The following QRICH1 variants were observed in gnomAD, a reference collection of about 807,000 sequenced individuals.
The protein encoded by QRICH1 is transcriptional regulator QRICH1.
In QRICH1, 16 loss-of-function variants were observed where a neutral mutation model predicts 87.1. The observed-to-expected ratio is 0.18, with a 90% confidence interval of 0.12 to 0.28. QRICH1 has a LOEUF of 0.28. Among genes scored for constraint, QRICH1 ranks in the 10% least tolerant of loss-of-function variants. QRICH1 has a pLI of 1.00. For missense variants in QRICH1, 647 were observed against 951.7 expected (o/e 0.68, Z 4.21); for synonymous variants, 367 against 368.4 (o/e 1.00, Z 0.05).
At chr3:49,045,821 G>C (rs550132432) in intron 5 of QRICH1, among the ~76,000 whole-genome samples, 1 of 151,814 alleles carries the variant, frequency 6.6e-6, no homozygotes, top group East Asian at 1.9e-4. Context: ...CAAACTCCTG[G>C]GGCTCAAGCG....
At position 49,030,393 on chromosome 3, in the gene QRICH1, G is replaced by C. The variant is rs2093228005; in HGVS notation, c.*59C>G. ...AAAAAAAATGGAGGCCTCTTCTTTA[G>C]TGTGAAAGTCTGTCTGGTTTTTCCT... On this transcript the variant is annotated 3_prime_UTR_variant, in exon 10 of 10. Transcript: ENST00000395443. The C allele has an allele frequency of 6.6e-7, 1 of 1,519,494 alleles. No individual in the cohort carries two copies. Among genetic ancestry groups the C allele is most frequent in the Non-Finnish European group, 9.0e-7 (1 of 1,109,338 alleles). 94.1% of individuals were successfully genotyped at this position (1,519,494 alleles called of 1,614,324 possible). A position where few individuals can be genotyped will look rare whatever the true frequency, so the allele number is the denominator to read the frequency against.
At chr3:49,052,778 T>C (rs770988884) in intron 3 of QRICH1, among the ~76,000 whole-genome samples, 23 of 152,264 alleles carry the variant, frequency 1.5e-4, no homozygotes, top group Non-Finnish European at 2.2e-4. Flanking sequence ...GCTGGGATTA[T>C]AGGTGTGAGC....
chr3:49,086,616 T>A (rs909597528), intron 1 of QRICH1, among the ~76,000 whole-genome samples: 1 of 152,098 alleles, frequency 6.6e-6, no homozygotes, highest in Non-Finnish European at 1.5e-5. Context: ...CTACATGAGT[T>A]ATTATTTTTA....
chr3:49,094,122 T>G (rs569337819), upstream of QRICH1: 38 of 398,188 alleles, frequency 9.5e-5, no homozygotes, highest in South Asian at 4.7e-3. Context: ...TCCCGCGAGA[T>G]CTGGGACTGC....
chr3:49,076,837 A>C lies in QRICH1; in HGVS notation c.181T>G (p.Cys61Gly). 1.2e-6 allele frequency: 2 copies of C among 1,613,890 alleles called. No homozygotes were observed. The change falls in exon 2 of 10, where the codon TGC (cysteine) becomes GGC (glycine). Residue 61 changes from cysteine (C) to glycine (G), a missense_variant. Cys to Gly is a radical substitution (Grantham distance 159). This residue lies in a region of QRICH1 where 56 missense variants were observed against 109.6 expected (regional missense o/e 0.51). Coordinates refer to ENST00000395443, the MANE Select transcript of QRICH1 (RefSeq NM_198880.3). The stretch of plus-strand genomic sequence containing the variant: ...ACTTCAGTGCTGTCTGTGTATATGC[A>C]GTTCCCACCCTGTTGGTACACCATG... ...TTMVYQQGGN[C>G]IYTDSTEVAG...
chr3:49,057,719 G>T lies in QRICH1; in HGVS notation c.481C>A (p.Pro161Thr), dbSNP rs779125870. The part of the protein sequence containing the change: ...IQTPSLQSPS[P>T]SQLQAAQIQV... Reference sequence around the variant, plus strand: ...ATCTGAGCTGCTTGCAGCTGCGAGGGACTGGGACTCTGCAGAGACGGGGTC... The same window carrying T: ...ATCTGAGCTGCTTGCAGCTGCGAGGTACTGGGACTCTGCAGAGACGGGGTC... Residue 161 changes from proline to threonine, a missense_variant, in exon 3 of 10, where the codon CCC (proline) becomes ACC (threonine). Transcript: ENST00000395443. This position sits in a 1 kb window ranked among gnomAD's most constrained non-coding sequence, Gnocchi z 5.4. The T allele has an allele frequency of 6.2e-7, 1 of 1,614,220 alleles. No individual in the cohort carries two copies. The highest frequency in any genetic ancestry group is 8.5e-7 in the Non-Finnish European group (1 of 1,180,040).
intron 1 of QRICH1, among the ~76,000 whole-genome samples, chr3:49,090,024 G>C (rs2042243973): frequency 6.6e-6 from 1 of 152,134 alleles, no homozygotes; most frequent in African/African-American, 2.4e-5. Context: ...TTAAAACAAA[G>C]AAAAACATGG....
chr3:49,082,943 T>C (rs1024397996), intron 1 of QRICH1, among the ~76,000 whole-genome samples: 3 of 149,662 alleles, frequency 2.0e-5, no homozygotes, highest in African/African-American at 7.4e-5. Flanking sequence ...CTCACGCCTG[T>C]AATCCTAGCA....
At chr3:49,074,965 C>T (rs753485559) in intron 2 of QRICH1, among the ~76,000 whole-genome samples, 4 of 151,820 alleles carry the variant, frequency 2.6e-5, no homozygotes, top group Non-Finnish European at 2.9e-5. Context: ...GGCAACAGAG[C>T]GAGACTCCAT....
At chr3:49,088,540 A>C (rs1186982259) in intron 1 of QRICH1, among the ~76,000 whole-genome samples, 7 of 141,122 alleles carry the variant, frequency 5.0e-5, no homozygotes, top group Admixed American at 2.9e-4. Flanking sequence ...TCAGGTGAGG[A>C]GTTCATTTCC....
Position 49,056,937 on chromosome 3 carries a change from C to T in QRICH1, c.1263G>A (p.Gln421=). 6.2e-7 allele frequency: 1 copy of T among 1,614,156 alleles called. No homozygotes were observed. ...QTVHIWDPQQ[Q]PQQQTPQEQT... ...GTTCCTGGGGAGTTTGCTGCTGCGG[C>T]TGCTGTTGGGGGTCCCATATATGGA... Residue 421 remains glutamine, a synonymous_variant, in exon 3 of 10, where the codon CAG becomes CAA. Coordinates refer to ENST00000395443, the MANE Select transcript of QRICH1 (RefSeq NM_198880.3).
intron 1 of QRICH1, among the ~76,000 whole-genome samples, chr3:49,086,111 G>A (rs2042162007): frequency 6.7e-6 from 1 of 150,256 alleles, no homozygotes; most frequent in Non-Finnish European, 1.5e-5. Flanking sequence ...ACTTCTAAAC[G>A]CTTTTAAATA....
chr3:49,057,537 T>C lies in QRICH1; in HGVS notation c.663A>G (p.Pro221=). The part of the protein sequence containing the change: ...IQIQTVGALS[P]PPSQQGSPRE... ...GGGGTGAGCCCTGCTGGGATGGTGG[T>C]GGGGAAAGGGCACCCACGGTCTGGA... The change falls in exon 3 of 10, where the codon CCA becomes CCG. Residue 221 remains proline, a synonymous_variant. Transcript: ENST00000395443. This position sits in a 1 kb window ranked among gnomAD's most constrained non-coding sequence, Gnocchi z 5.4. 1 of 1,613,138 alleles carries C rather than the reference T, an allele frequency of 6.2e-7. No homozygotes were observed. The highest frequency in any genetic ancestry group is 8.5e-7 in the Non-Finnish European group (1 of 1,179,358).
In QRICH1 at chr3:49,042,845, T is replaced by G. The variant is rs372431449; in HGVS notation, c.1786+1545A>C. ...ATCTCTGCCTCCCAAAGTGCTGGGATTACAGGTGTGAGCCACCATGCCTGG... is the reference window on the plus strand; with the variant it reads ...ATCTCTGCCTCCCAAAGTGCTGGGAGTACAGGTGTGAGCCACCATGCCTGG... On this transcript the variant is annotated intron_variant, in intron 6 of 9. Transcript: ENST00000395443. 1.2e-4 allele frequency among the ~76,000 whole-genome samples: 18 copies of G among 152,238 alleles called. No homozygotes were observed. In the East Asian group the frequency reaches 2.5e-3, roughly 21 times the overall value.
intron 2 of QRICH1, among the ~76,000 whole-genome samples, chr3:49,068,989 G>A (rs891455453): frequency 6.6e-6 from 1 of 151,552 alleles, no homozygotes; most frequent in Non-Finnish European, 1.5e-5. Flanking sequence ...GTATCATATA[G>A]CACAAACCAT....
intron 1 of QRICH1, among the ~76,000 whole-genome samples, chr3:49,088,554 G>GC (rs1344028227): frequency 3.4e-5 from 5 of 148,508 alleles, no homozygotes; most frequent in Admixed American, 6.7e-5. Context: ...CATTTCCACG[G>GC]CCCCCCTCGA....
At chr3:49,069,083 TTTATTA>T (rs201912574) in intron 2 of QRICH1, among the ~76,000 whole-genome samples, 72 of 139,368 alleles carry the variant, frequency 5.2e-4, no homozygotes, top group Non-Finnish European at 9.6e-4. Context: ...AAGTAGAAAA[TTTATTA>T]TTATTATTAT....
At chr3:49,074,200 A>C (rs1332602976) in intron 2 of QRICH1, among the ~76,000 whole-genome samples, 1 of 152,182 alleles carries the variant, frequency 6.6e-6, no homozygotes, top group Non-Finnish European at 1.5e-5. Context: ...TTTTAAATTA[A>C]TTTCAAATGT....
chr3:49,093,761 G>T (rs2042326338), intron 1 of QRICH1, 151 bp downstream of exon 1: 2 of 331,168 alleles, frequency 6.0e-6, no homozygotes, highest in Admixed American at 9.8e-5. Context: ...GGGTGCGCTA[G>T]CCCAGGAACG....
Sources: allele counts gnomAD v4.1 joint callset (sites outside exome capture counted in the v4.1 genomes callset), GRCh38; gene constraint gnomAD v4.1.1; regional missense constraint gnomAD v4.1.1; non-coding constraint Gnocchi (gnomAD v3.1); transcripts MANE v1.5; gene names NCBI Gene and HGNC (gene_info 2026-07-23, HGNC 2026-07-21).